Variants in YPEL1 observed in about 807,000 individuals in gnomAD.
YPEL1 encodes the protein yippee like 1, also known as protein yippee-like 1.
Under a neutral mutation model 17.3 loss-of-function variants are expected in YPEL1, and 7 were observed. That is an observed-to-expected ratio of 0.40 (90% CI 0.23 to 0.76). The LOEUF (loss-of-function observed/expected upper bound fraction) is 0.76. YPEL1 is among the 30% of genes least tolerant of loss of function. YPEL1 has a pLI of 0.35. For synonymous variants in YPEL1, 59 were observed against 59.6 expected (o/e 0.99, Z 0.05); for missense variants, 91 against 155.5 (o/e 0.59, Z 2.21).
chr22:21,719,795 A>G (rs937743521), intron 1 of YPEL1, among the ~76,000 whole-genome samples: 1 of 152,070 alleles, frequency 6.6e-6, no homozygotes, highest in African/African-American at 2.4e-5. Flanking sequence ...TGGGAGGCCC[A>G]GGCGGGTGGA....
At chr22:21,734,067 A>T (rs1029073621) in intron 1 of YPEL1, among the ~76,000 whole-genome samples, 1 of 152,236 alleles carries the variant, frequency 6.6e-6, no homozygotes, top group Non-Finnish European at 1.5e-5. Flanking sequence ...AAAAAAATGT[A>T]AAGTTAACCA....
intron 2 of YPEL1, among the ~76,000 whole-genome samples, chr22:21,709,489 T>C (rs1263120172): frequency 6.6e-6 from 1 of 152,114 alleles, no homozygotes; most frequent in Non-Finnish European, 1.5e-5. Context: ...ACCTAAGAGA[T>C]TCCTGGCTGG....
At chr22:21,712,192 A>ACT (rs775967589) in intron 1 of YPEL1, among the ~76,000 whole-genome samples, 5 of 152,052 alleles carry the variant, frequency 3.3e-5, no homozygotes, top group Non-Finnish European at 5.9e-5. Context: ...ATAAATAAAA[A>ACT]CTTTTGTGCT....
chr22:21,729,863 T>C (rs2068370874), intron 1 of YPEL1, among the ~76,000 whole-genome samples: 1 of 152,070 alleles, frequency 6.6e-6, no homozygotes, highest in Non-Finnish European at 1.5e-5. Context: ...GTTTAACCAA[T>C]AGAGGCTAGC....
intron 1 of YPEL1, among the ~76,000 whole-genome samples, chr22:21,719,976 C>T (rs1018313794): frequency 2.0e-5 from 3 of 148,802 alleles, no homozygotes; most frequent in African/African-American, 7.4e-5. Context: ...CGCACCACTG[C>T]ACTCCAGCGT....
chr22:21,733,409 C>G (rs2068407028), intron 1 of YPEL1, among the ~76,000 whole-genome samples: 1 of 149,460 alleles, frequency 6.7e-6, no homozygotes, highest in African/African-American at 2.5e-5. Context: ...CAGAGCGAGA[C>G]TCTGTCTCAA....
intron 1 of YPEL1, among the ~76,000 whole-genome samples, chr22:21,715,756 CTTTTCTTTTTTTTT>C (rs1172046439): frequency 4.5e-4 from 25 of 56,172 alleles, no homozygotes; most frequent in Non-Finnish European, 6.3e-5. Flanking sequence ...TTTTCTTTTT[CTTTTCTTTTTTTTT>C]TTTTTTTTTT....
Position 21,703,513 on chromosome 22 carries a change from C to T in YPEL1, c.162-35G>A, listed in dbSNP as rs181575531. The T allele has an allele frequency of 5.9e-5, 93 of 1,574,326 alleles. No homozygotes were observed. Among genetic ancestry groups the T allele is most frequent in the Middle Eastern group, 1.7e-4 (1 of 5,842 alleles). ...CAGAGGGGCCACTGCGCTGCAGGCC[C>T]GGCCCGCCCCTGACCAGGCCCTGCC... On this transcript the variant is annotated intron_variant, in intron 3 of 4. Transcript: ENST00000339468. This position sits in a 1 kb window ranked among gnomAD's most constrained non-coding sequence, Gnocchi z 6.1.
chr22:21,731,432 G>A (rs2068384944), intron 1 of YPEL1, among the ~76,000 whole-genome samples: 1 of 150,482 alleles, frequency 6.6e-6, no homozygotes, highest in South Asian at 2.1e-4. Context: ...ACTGGATTGA[G>A]ATAGAAGAAA....
At chr22:21,732,822 G>C (rs1318040110) in intron 1 of YPEL1, among the ~76,000 whole-genome samples, 1 of 151,912 alleles carries the variant, frequency 6.6e-6, no homozygotes, top group Non-Finnish European at 1.5e-5. Flanking sequence ...CAAACTGCAA[G>C]GTAGGCTGGG....
chr22:21,718,345 G>C (rs149351398), intron 1 of YPEL1, among the ~76,000 whole-genome samples: 11,076 of 151,756 alleles, frequency 0.073, 1,000 homozygotes, highest in African/African-American at 0.22. Context: ...GGCACCTGTA[G>C]TCCCAGCTAC....
chr22:21,717,132 GGGGCTGGGGGGGC>G (rs980365028), intron 1 of YPEL1, among the ~76,000 whole-genome samples: 12 of 106,616 alleles, frequency 1.1e-4, no homozygotes, highest in Middle Eastern at 6.3e-3. Flanking sequence ...TTGGGAGGCC[GGGGCTGGGGGGGC>G]GGGGGGCGGA....
intron 1 of YPEL1, among the ~76,000 whole-genome samples, chr22:21,711,897 C>T (rs915649828): frequency 9.9e-5 from 15 of 152,272 alleles, no homozygotes; most frequent in South Asian, 4.1e-4. Flanking sequence ...ACTTCTGGCT[C>T]GGTGCAGTGC....
chr22:21,716,928 C>A (rs935530124), intron 1 of YPEL1, among the ~76,000 whole-genome samples: 1 of 151,368 alleles, frequency 6.6e-6, no homozygotes, highest in Admixed American at 6.6e-5. Flanking sequence ...CAACAGCAAA[C>A]GAGAAAAAAA....
chr22:21,721,408 A>G (rs559399925), intron 1 of YPEL1, among the ~76,000 whole-genome samples: 37 of 116,536 alleles, frequency 3.2e-4, no homozygotes, highest in Middle Eastern at 3.8e-3. Context: ...GTGAGCCACC[A>G]TGCCCAGCCT....
chr22:21,725,220 AT>A (rs991732672), intron 1 of YPEL1, among the ~76,000 whole-genome samples: 242 of 126,226 alleles, frequency 1.9e-3, no homozygotes, highest in Admixed American at 2.4e-3. Flanking sequence ...TAAAATGGTA[AT>A]TTTTTTTTTT....
intron 1 of YPEL1, among the ~76,000 whole-genome samples, chr22:21,714,378 G>A (rs2068201172): frequency 6.6e-6 from 1 of 152,180 alleles, no homozygotes; most frequent in South Asian, 2.1e-4. Context: ...TGATGGCTGT[G>A]CCCCGTGTGT....
intron 2 of YPEL1, among the ~76,000 whole-genome samples, chr22:21,704,379 G>A (rs533466806): frequency 7.2e-5 from 11 of 152,334 alleles, no homozygotes; most frequent in African/African-American, 1.9e-4. Flanking sequence ...CAGCATGGCT[G>A]AGTATGGCGG....
At chr22:21,714,073 C>T (rs978759386) in intron 1 of YPEL1, among the ~76,000 whole-genome samples, 6 of 151,952 alleles carry the variant, frequency 3.9e-5, no homozygotes, top group Admixed American at 2.0e-4. Flanking sequence ...ACCTCTGCTC[C>T]GGCAGCAGCC....
Sources: allele counts gnomAD v4.1 joint callset (sites outside exome capture counted in the v4.1 genomes callset), GRCh38; gene constraint gnomAD v4.1.1; non-coding constraint Gnocchi (gnomAD v3.1); transcripts MANE v1.5; gene names NCBI Gene and HGNC (gene_info 2026-07-23, HGNC 2026-07-21).